CERS6: variants seen among roughly 807,000 people sequenced by gnomAD.
CERS6 encodes LAG1 homolog, ceramide synthase 6.
A neutral mutation model predicts 56.8 loss-of-function variants in CERS6; 26 were observed. The ratio of observed to expected loss-of-function variants is 0.46; its 90% CI spans 0.34 to 0.63. CERS6 has a LOEUF of 0.63. Ranked by LOEUF, CERS6 falls within the 30% of genes least tolerant of loss-of-function variation. The pLI, the probability that CERS6 is intolerant of heterozygous loss-of-function variation, is 0.01. For synonymous variants in CERS6, 164 were observed against 173.3 expected, an observed-to-expected ratio of 0.95 and a Z score of 0.42; for missense variants, 415 against 467.5, an observed-to-expected ratio of 0.89 and a Z score of 1.04.
chr2:168,547,459 A>T, intron 1 of CERS6, 137 bp from the exon 2 acceptor site: 1 of 578,050 alleles, frequency 1.7e-6, no homozygotes, highest in Non-Finnish European at 3.1e-6. Flanking sequence ...TACTGACAGG[A>T]GTGTTGACAA....
intron 4 of CERS6, among the ~76,000 whole-genome samples, chr2:168,655,731 G>A (rs1685453705): frequency 6.6e-6 from 1 of 152,136 alleles, no homozygotes; most frequent in Admixed American, 6.5e-5. Flanking sequence ...AGGAAAATAG[G>A]GAGAGGTAAG....
At chr2:168,659,989 A>T (rs888646426) in intron 4 of CERS6, among the ~76,000 whole-genome samples, 2 of 152,232 alleles carry the variant, frequency 1.3e-5, no homozygotes, top group Admixed American at 6.5e-5. Context: ...ATTCAAATGG[A>T]ATACAAACGT....
chr2:168,609,922 A>G (rs1244627182), intron 3 of CERS6, among the ~76,000 whole-genome samples: 1 of 149,384 alleles, frequency 6.7e-6, no homozygotes, highest in Non-Finnish European at 1.5e-5. Flanking sequence ...TTGAAAATAG[A>G]GGTAACTCCA....
intron 4 of CERS6, among the ~76,000 whole-genome samples, chr2:168,637,733 A>G (rs1243869262): frequency 6.6e-6 from 1 of 152,346 alleles, no homozygotes; most frequent in East Asian, 1.9e-4. Context: ...TTCTTAAAAT[A>G]TTTAGTAGAA....
intron 4 of CERS6, among the ~76,000 whole-genome samples, chr2:168,678,332 T>A (rs756801878): frequency 1.3e-5 from 2 of 152,172 alleles, no homozygotes; most frequent in Non-Finnish European, 2.9e-5. Flanking sequence ...TCCTGCCTCA[T>A]CTGAGCTCCC....
intron 1 of CERS6, among the ~76,000 whole-genome samples, chr2:168,479,951 A>G (rs1327956915): frequency 6.6e-6 from 1 of 152,188 alleles, no homozygotes. Flanking sequence ...GTCCTAAGCA[A>G]AGGTCTTACA....
chr2:168,484,225 A>C (rs1359186251), intron 1 of CERS6, among the ~76,000 whole-genome samples: 2 of 111,594 alleles, frequency 1.8e-5, no homozygotes, highest in African/African-American at 3.5e-5. Flanking sequence ...CCTGTTGCCC[A>C]GGCTAAAGGA....
intron 1 of CERS6, among the ~76,000 whole-genome samples, chr2:168,547,162 C>T (rs971366381): frequency 2.0e-5 from 3 of 152,140 alleles, no homozygotes; most frequent in African/African-American, 4.8e-5. Context: ...TTTATGACTA[C>T]GGGTGGTCAA....
intron 9 of CERS6, chr2:168,766,219 T>G: frequency 9.4e-7 from 1 of 1,068,230 alleles, no homozygotes; most frequent in Non-Finnish European, 1.4e-6. Context: ...TAAAGCTTCC[T>G]AAGCCTCAGC....
chr2:168,629,228 G>T (rs191268868), intron 3 of CERS6, among the ~76,000 whole-genome samples: 2 of 152,282 alleles, frequency 1.3e-5, no homozygotes, highest in African/African-American at 4.8e-5. Flanking sequence ...AATGACTTCT[G>T]TAAAACTTTT....
intron 4 of CERS6, among the ~76,000 whole-genome samples, chr2:168,658,556 C>T (rs991225406): frequency 6.6e-6 from 1 of 152,188 alleles, no homozygotes; most frequent in African/African-American, 2.4e-5. Context: ...ATAGTCATCC[C>T]CAGCGTCAGG....
intron 1 of CERS6, among the ~76,000 whole-genome samples, chr2:168,476,876 G>C (rs1341710678): frequency 6.6e-6 from 1 of 152,000 alleles, no homozygotes; most frequent in East Asian, 1.9e-4. Flanking sequence ...ATCTCCTCTG[G>C]AAACACAGTC....
chr2:168,659,297 A>T (rs1685568514), intron 4 of CERS6, among the ~76,000 whole-genome samples: 1 of 152,226 alleles, frequency 6.6e-6, no homozygotes, highest in African/African-American at 2.4e-5. Flanking sequence ...GAAAATGTTC[A>T]AATAGTTCAA....
At chr2:168,608,368 C>G (rs954561894) in intron 3 of CERS6, among the ~76,000 whole-genome samples, 5 of 152,164 alleles carry the variant, frequency 3.3e-5, no homozygotes, top group Non-Finnish European at 7.3e-5. Context: ...CTTCATTTCT[C>G]TTGGGCAGCT....
At chr2:168,614,895 C>G (rs908316864) in intron 3 of CERS6, among the ~76,000 whole-genome samples, 1 of 152,150 alleles carries the variant, frequency 6.6e-6, no homozygotes, top group African/African-American at 2.4e-5. Context: ...AAAGCGCCAC[C>G]TCCTGGTAGG....
intron 1 of CERS6, among the ~76,000 whole-genome samples, chr2:168,532,783 A>G (rs1441340151): frequency 5.3e-5 from 8 of 152,252 alleles, no homozygotes; most frequent in Non-Finnish European, 7.3e-5. Context: ...TAAAGAATAT[A>G]AAGTAAGCCA....
chr2:168,661,264 T>C (rs76999286), intron 4 of CERS6, among the ~76,000 whole-genome samples: 1 of 152,336 alleles, frequency 6.6e-6, no homozygotes, highest in African/African-American at 2.4e-5. Flanking sequence ...ATGTTCCTAA[T>C]TATATTTTTA....
chr2:168,536,805 G>A (rs978587724), intron 1 of CERS6, among the ~76,000 whole-genome samples: 9 of 152,020 alleles, frequency 5.9e-5, no homozygotes, highest in Non-Finnish European at 1.2e-4. Flanking sequence ...GTTAATAATG[G>A]TTATCTTTGA....
chr2:168,746,820 T>TATATATATATATATAA (rs1329677014), intron 8 of CERS6, among the ~76,000 whole-genome samples: 2 of 80,048 alleles, frequency 2.5e-5, no homozygotes, highest in African/African-American at 9.6e-5. Context: ...TATATATATA[T>TATATATATATATATAA]AAAATCATCT....
Sources: allele counts gnomAD v4.1 joint callset (sites outside exome capture counted in the v4.1 genomes callset), GRCh38; gene constraint gnomAD v4.1.1; transcripts MANE v1.5; gene names NCBI Gene and HGNC (gene_info 2026-07-23, HGNC 2026-07-21).